STK17B: variants seen among roughly 807,000 people sequenced by gnomAD.
STK17B encodes the protein serine/threonine kinase 17b.
STK17B carries 21 observed loss-of-function variants against 42.0 expected under a neutral mutation model. That is an observed-to-expected ratio of 0.50 (90% CI 0.35 to 0.72). The LOEUF is 0.72. Among genes scored for constraint, STK17B ranks in the 30% least tolerant of loss-of-function variants. STK17B has a pLI of 0.00. For missense variants in STK17B, 349 were observed against 446.0 expected (o/e 0.78, Z 1.96); for synonymous variants, 143 against 148.4 (o/e 0.96, Z 0.26).
intron 2 of STK17B, 82 bp downstream of exon 2, chr2:196,163,180 C>A (rs1384252355): frequency 6.7e-7 from 1 of 1,487,630 alleles, no homozygotes; most frequent in Admixed American, 1.9e-5. Context: ...AAATAATGAT[C>A]CCAAGTGAGT....
chr2:196,152,318 A>G (rs1383500591), intron 3 of STK17B, among the ~76,000 whole-genome samples: 1 of 152,074 alleles, frequency 6.6e-6, no homozygotes, highest in Non-Finnish European at 1.5e-5. Context: ...CCTGTTAGCC[A>G]GAATAGTCTC....
At chr2:196,162,891 A>T (rs1699830736) in intron 2 of STK17B, among the ~76,000 whole-genome samples, 1 of 152,126 alleles carries the variant, frequency 6.6e-6, no homozygotes, top group Admixed American at 6.6e-5. Context: ...CCCCGCCACA[A>T]ACAAAAATTA....
chr2:196,160,464 A>C (rs946885640), intron 2 of STK17B, among the ~76,000 whole-genome samples: 6 of 152,260 alleles, frequency 3.9e-5, no homozygotes, highest in Non-Finnish European at 8.8e-5. Context: ...AATTTGCTAA[A>C]GGAAAATGAA....
At chr2:196,159,457 C>G (rs987928105) in intron 2 of STK17B, among the ~76,000 whole-genome samples, 1 of 151,878 alleles carries the variant, frequency 6.6e-6, no homozygotes, top group Non-Finnish European at 1.5e-5. Flanking sequence ...ACCACAGGCA[C>G]GCACCACCAC....
Position 196,139,607 on chromosome 2 carries a change from A to T in STK17B, c.836+13T>A, listed in dbSNP as rs1057451305. On this transcript the variant is annotated intron_variant, in intron 7 of 7. Transcript: ENST00000263955. ...TTAAATTTGTAATAGTATTTAAACA[A>T]ATTATTACTTACTCTGGATTTTTTA... 23 of 1,352,204 alleles carry T rather than the reference A, an allele frequency of 1.7e-5. No individual in the cohort carries two copies. The highest frequency in any genetic ancestry group is 2.1e-5 in the Non-Finnish European group (22 of 1,042,440). 83.8% of individuals were successfully genotyped at this position (1,352,204 alleles called of 1,614,324 possible).
chr2:196,139,123 C>T (rs936582183), intron 7 of STK17B, among the ~76,000 whole-genome samples: 2 of 152,080 alleles, frequency 1.3e-5, no homozygotes, highest in Admixed American at 1.3e-4. Flanking sequence ...GCCACCATGC[C>T]TGGCTAATTT....
chr2:196,146,012 C>G lies in STK17B; in HGVS notation c.379G>C (p.Ala127Pro). Residue 127 changes from alanine to proline, a missense_variant, in exon 4 of 8, where the codon GCT becomes CCT. Ala to Pro is a conservative substitution (Grantham distance 27). Transcript: ENST00000263955. Reference protein sequence around the residue: ...EIFSLCLPELAEMVSENDVIR... With the variant: ...EIFSLCLPELPEMVSENDVIR... ...ACATCATTTTCAGAAACCATTTCAG[C>G]CAACTCAGGTAAACACAGGCTGAAA... is the stretch of plus-strand genomic sequence containing the variant. 1 of 1,605,290 alleles carries G rather than the reference C, an allele frequency of 6.2e-7. No individual in the cohort carries two copies. Among genetic ancestry groups the G allele is most frequent in the South Asian group, 1.1e-5 (1 of 88,888 alleles).
Position 196,156,597 on chromosome 2 carries a change from A to G in STK17B, c.177T>C (p.Tyr59=). ...QCISKSTGQE[Y]AAKFLKKRRR... The stretch of plus-strand genomic sequence containing the variant: ...TTCTCTTTTTTAGAAATTTTGCAGC[A>G]TATTCTTGGCCAGTAGATTTTGATA... Residue 59 remains tyrosine (Y), a synonymous_variant, in exon 3 of 8, where the codon TAT becomes TAC. Coordinates refer to ENST00000263955, the MANE Select transcript of STK17B (RefSeq NM_004226.4). The G allele has an allele frequency of 5.6e-6, 9 of 1,614,052 alleles. No individual in the cohort carries two copies. Among genetic ancestry groups the G allele is most frequent in the Non-Finnish European group, 7.6e-6 (9 of 1,179,980 alleles).
intron 2 of STK17B, among the ~76,000 whole-genome samples, chr2:196,161,607 C>T (rs1030878054): frequency 4.0e-5 from 6 of 150,368 alleles, no homozygotes; most frequent in African/African-American, 1.5e-4. Context: ...CAACCTCCAC[C>T]TGCCGGGTTC....
rs766539970 is a variant in STK17B, at chr2:196,143,695, A to T, written c.481-9T>A. 16 of 1,500,472 alleles carry T rather than the reference A, an allele frequency of 1.1e-5. No individual in the cohort carries two copies. In the African/African-American group the frequency reaches 2.0e-4, roughly 19 times the overall value. The allele number at this position is 1,500,472 out of a possible 1,614,324, so 92.9% of individuals were successfully genotyped here. A position where few individuals can be genotyped will look rare whatever the true frequency, so the allele number is the denominator to read the frequency against. On this transcript the variant is annotated splice_polypyrimidine_tract_variant and intron_variant, in intron 4 of 7. Coordinates refer to ENST00000263955, the MANE Select transcript of STK17B (RefSeq NM_004226.4). ...AGTAATATATTCTGTGGCTAAACAA[A>T]GTACAACAAAAACATGATAAGTAAT...
Position 196,136,401 on chromosome 2 carries a change from C to A in STK17B, c.*1046G>T, listed in dbSNP as rs1393975372. 6.6e-6 allele frequency: 1 copy of A among 152,596 alleles called. No homozygotes were observed. Among genetic ancestry groups the A allele is most frequent in the Admixed American group, 6.5e-5 (1 of 15,274 alleles). 9.5% of individuals were successfully genotyped at this position (152,596 alleles called of 1,614,324 possible). A position where few individuals can be genotyped will look rare whatever the true frequency, so the allele number is the denominator to read the frequency against. ...ACTCACTAGGAATTTCACACAAGAACTTCAGACGAGCCTGATGTCATGTTT... is the reference window on the plus strand; with the variant it reads ...ACTCACTAGGAATTTCACACAAGAAATTCAGACGAGCCTGATGTCATGTTT... On this transcript the variant is annotated 3_prime_UTR_variant, in exon 8 of 8. Transcript: ENST00000263955.
intron 2 of STK17B, among the ~76,000 whole-genome samples, chr2:196,158,658 G>C (rs1367872139): frequency 2.6e-5 from 4 of 152,154 alleles, no homozygotes. Context: ...GAATAAAACT[G>C]TGAAATGTGA....
rs537072252 is a variant in STK17B at position 196,166,083 on chromosome 2, A to C, written c.-44-2656T>G. ...CTCATAAGTTCATCTATTTATTAAA[A>C]ATATACCTACATCACAAGCTGCTTT... On this transcript the variant is annotated intron_variant, in intron 1 of 7. Coordinates refer to ENST00000263955, the MANE Select transcript of STK17B (RefSeq NM_004226.4). 2.6e-5 allele frequency: 4 copies of C among 152,362 alleles called. No individual in the cohort carries two copies. In the East Asian group the frequency reaches 7.7e-4, roughly 29 times the overall value. The allele number at this position is 152,362 out of a possible 1,614,324, so 9.4% of individuals were successfully genotyped here. A position where few individuals can be genotyped will look rare whatever the true frequency, so the allele number is the denominator to read the frequency against.
intron 3 of STK17B, among the ~76,000 whole-genome samples, chr2:196,149,207 A>C (rs1226688039): frequency 6.7e-6 from 1 of 148,888 alleles, no homozygotes; most frequent in Non-Finnish European, 1.5e-5. Flanking sequence ...TCTGTCGCCC[A>C]GGCTGGAGTG....
chr2:196,146,340 C>T (rs538930299), intron 3 of STK17B, among the ~76,000 whole-genome samples: 1 of 152,060 alleles, frequency 6.6e-6, no homozygotes, highest in South Asian at 2.1e-4. Flanking sequence ...AACATCTCTA[C>T]TAAAAACACA....
At chr2:196,164,827 T>G (rs937711756) in intron 1 of STK17B, among the ~76,000 whole-genome samples, 1 of 152,160 alleles carries the variant, frequency 6.6e-6, no homozygotes, top group Non-Finnish European at 1.5e-5. Flanking sequence ...TAAATTAAAA[T>G]TATAGCTTTC....
chr2:196,172,415 G>A (rs1164741802), upstream of STK17B, among the ~76,000 whole-genome samples: 3 of 152,252 alleles, frequency 2.0e-5, no homozygotes, highest in East Asian at 1.9e-4. Flanking sequence ...TACATATATG[G>A]GATTAGTTAT....
intron 6 of STK17B, among the ~76,000 whole-genome samples, chr2:196,140,085 C>A (rs973179966): frequency 6.6e-6 from 1 of 152,198 alleles, no homozygotes; most frequent in South Asian, 2.1e-4. Context: ...GTGGAGTACA[C>A]AAAGCTGCTG....
At position 196,141,250 on chromosome 2, in the gene STK17B, A is replaced by G; in HGVS notation, c.655T>C (p.Trp219Arg). ...YDPITTATDM[W>R]NIGIIAYMLL... The stretch of plus-strand genomic sequence containing the variant: ...TTAAGGTAACTAACAACATCTTACC[A>G]CATATCTGTTGCTGTGGTAATGGGA... Residue 219 changes from tryptophan (W) to arginine (R), a missense_variant and splice_region_variant, in exon 6 of 8, where the codon TGG (tryptophan) becomes CGG (arginine). Trp to Arg is a moderately radical substitution (Grantham distance 101). This residue lies in a region of STK17B where 256 missense variants were observed against 347.7 expected (regional missense o/e 0.74). Coordinates refer to ENST00000263955, the MANE Select transcript of STK17B (RefSeq NM_004226.4). The G allele has an allele frequency of 2.5e-6, 4 of 1,605,674 alleles. No individual in the cohort carries two copies. The highest frequency in any genetic ancestry group is 3.4e-6 in the Non-Finnish European group (4 of 1,175,142).
Sources: allele counts gnomAD v4.1 joint callset (sites outside exome capture counted in the v4.1 genomes callset), GRCh38; gene constraint gnomAD v4.1.1; regional missense constraint gnomAD v4.1.1; transcripts MANE v1.5; gene names NCBI Gene and HGNC (gene_info 2026-07-23, HGNC 2026-07-21).